KLHL12: variants seen among roughly 807,000 people sequenced by gnomAD.
The protein encoded by KLHL12 is kelch like family member 12, also known as kelch-like protein 12.
KLHL12 carries 17 observed loss-of-function variants against 60.8 expected under a neutral mutation model. The observed-to-expected ratio is 0.28, with a 90% CI of 0.19 to 0.42. The LOEUF is 0.42. Ranked by LOEUF, KLHL12 falls within the 10% of genes least tolerant of loss-of-function variation. The pLI, the probability that KLHL12 is intolerant of heterozygous loss-of-function variation, is 1.00. For synonymous variants in KLHL12, 220 were observed against 250.9 expected (o/e 0.88, Z 1.16); for missense variants, 468 against 722.3 (o/e 0.65, Z 4.04).
chr1:202,901,303 T>C (rs1660000035), intron 6 of KLHL12, among the ~76,000 whole-genome samples: 1 of 152,010 alleles, frequency 6.6e-6, no homozygotes, highest in Non-Finnish European at 1.5e-5. Flanking sequence ...CCTTCCTCTG[T>C]CACCTAGGCT....
At chr1:202,897,086 G>T in intron 6 of KLHL12, 126 bp from the exon 7 acceptor site, 1 of 746,260 alleles carries the variant, frequency 1.3e-6, no homozygotes, top group Non-Finnish European at 2.4e-6. Context: ...GATGCAATCC[G>T]AAATGGGAGA....
chr1:202,896,992 G>A, intron 6 of KLHL12, 32 bp from the exon 7 acceptor site: 1 of 1,533,482 alleles, frequency 6.5e-7, no homozygotes, highest in Non-Finnish European at 9.0e-7. Flanking sequence ...AGATGGGTTA[G>A]TTCAGCATCC....
At chr1:202,907,920 T>A (rs1044198049) in intron 6 of KLHL12, among the ~76,000 whole-genome samples, 20 of 151,678 alleles carry the variant, frequency 1.3e-4, no homozygotes, top group African/African-American at 4.8e-4. Context: ...TTAAAAAAAA[T>A]AAAATATAGC....
intron 6 of KLHL12, among the ~76,000 whole-genome samples, chr1:202,904,798 G>C (rs776749632): frequency 7.2e-5 from 11 of 152,156 alleles, no homozygotes; most frequent in Non-Finnish European, 1.3e-4. Context: ...AGGGTTCAGA[G>C]ACTCACATTT....
Position 202,895,438 on chromosome 1 carries a change from G to A in KLHL12, c.1135+84C>T. 3 of 1,153,142 alleles carry A rather than the reference G, an allele frequency of 2.6e-6. No homozygotes were observed. The highest frequency in any genetic ancestry group is 2.4e-5 in the East Asian group (1 of 42,440). The allele number at this position is 1,153,142 out of a possible 1,614,324, so 71.4% of individuals were successfully genotyped here. On this transcript the variant is annotated intron_variant, in intron 8 of 11. Transcript: ENST00000367261. This position sits in a 1 kb window ranked among gnomAD's most constrained non-coding sequence, Gnocchi z 4.2. ...CCTTAATTTTTTCTCCGTATTTCAT[G>A]CTCCTGCCAGACAACAGGAGAGGTT... is the stretch of plus-strand genomic sequence containing the variant.
intron 4 of KLHL12, among the ~76,000 whole-genome samples, chr1:202,913,926 G>T (rs1571534821): frequency 6.6e-6 from 1 of 152,346 alleles, no homozygotes; most frequent in South Asian, 2.1e-4. Flanking sequence ...CACGGGGCTA[G>T]CGGGAGCAAA....
chr1:202,916,545 G>A (rs979138622), intron 4 of KLHL12, among the ~76,000 whole-genome samples: 4 of 152,192 alleles, frequency 2.6e-5, no homozygotes, highest in Admixed American at 1.3e-4. Flanking sequence ...CTGGGAGGCC[G>A]AGGCAGGAGA....
In KLHL12 at chr1:202,892,433, T is replaced by A. The variant is rs1396085242; in HGVS notation, c.*100A>T. The A allele has an allele frequency of 7.4e-7, 1 of 1,351,208 alleles. No individual in the cohort carries two copies. Among genetic ancestry groups the A allele is most frequent in the Non-Finnish European group, 1.0e-6 (1 of 962,896 alleles). The allele number at this position is 1,351,208 out of a possible 1,614,324, so 83.7% of individuals were successfully genotyped here. A position where few individuals can be genotyped will look rare whatever the true frequency, so the allele number is the denominator to read the frequency against. On this transcript the variant is annotated 3_prime_UTR_variant, in exon 12 of 12. Coordinates refer to ENST00000367261, the MANE Select transcript of KLHL12 (RefSeq NM_021633.4). ...TGCACTGGTGCCTGTAATCACCCGG[T>A]GCACATAGTGAGAAACAGACATTCT...
intron 9 of KLHL12, 37 bp from the exon 10 acceptor site, chr1:202,894,319 T>G (rs1270726585): frequency 7.2e-7 from 1 of 1,379,428 alleles, no homozygotes; most frequent in African/African-American, 1.4e-5. Flanking sequence ...GAGTGGTAAA[T>G]CCTCATGCCC....
At chr1:202,904,699 A>G (rs1660128533) in intron 6 of KLHL12, among the ~76,000 whole-genome samples, 1 of 152,196 alleles carries the variant, frequency 6.6e-6, no homozygotes, top group South Asian at 2.1e-4. Context: ...TGGCATGGTC[A>G]TTATTTTTAG....
At chr1:202,908,909 G>A (rs754274931) in intron 6 of KLHL12, 101 bp downstream of exon 6, 16 of 712,518 alleles carry the variant, frequency 2.2e-5, no homozygotes, top group Admixed American at 1.9e-4. Flanking sequence ...GGTCTGAAAC[G>A]AGGTGTCTGT....
rs74409416 is a variant in KLHL12, at chr1:202,895,635, G to A, written c.1022C>T (p.Ser341Phe). The A allele has an allele frequency of 6.2e-7, 1 of 1,614,082 alleles. No homozygotes were observed. The highest frequency in any genetic ancestry group is 8.5e-7 in the Non-Finnish European group (1 of 1,179,988). Residue 341 changes from serine to phenylalanine, a missense_variant, in exon 8 of 12, where the codon TCC (serine) becomes TTC (phenylalanine). Coordinates refer to ENST00000367261, the MANE Select transcript of KLHL12 (RefSeq NM_021633.4). The surrounding 1 kb of genome is among the most constrained non-coding windows in gnomAD (Gnocchi z 4.2). ...TAGACATTCCACTGAACTAAGGCGG[G>A]AACGGCCATCATAGCCACCAATGAC... ...IYVIGGYDGR[S>F]RLSSVECLDY...
chr1:202,911,902 C>T (rs1660374319), intron 4 of KLHL12: 6 of 836,932 alleles, frequency 7.2e-6, no homozygotes, highest in Admixed American at 5.1e-5. Context: ...TGAAGAAAGC[C>T]TGAGGAGCTA....
Position 202,893,816 on chromosome 1 carries a change from C to T in KLHL12, c.1393+368G>A, listed in dbSNP as rs75050002. On this transcript the variant is annotated intron_variant, in intron 10 of 11. Transcript: ENST00000367261. The surrounding 1 kb of genome is among the most constrained non-coding windows in gnomAD (Gnocchi z 4.1). ...AACTAGAACAGCACAGTGCTCTCTC[C>T]TTTTCTATATCCCAGCCTGCTCCAC... 0.012 allele frequency among the ~76,000 whole-genome samples: 1,892 copies of T among 152,268 alleles called. 37 individuals carry two copies. The highest frequency in any genetic ancestry group is 0.044 in the African/African-American group (1,811 of 41,530).
intron 6 of KLHL12, among the ~76,000 whole-genome samples, chr1:202,901,545 T>C (rs1191135848): frequency 6.6e-6 from 1 of 151,980 alleles, no homozygotes; most frequent in Non-Finnish European, 1.5e-5. Context: ...CAAGCGATGC[T>C]TCTGCTTCGG....
rs747396523 is a variant in KLHL12, at chr1:202,911,130, G to A, written c.641C>T (p.Ser214Phe). The A allele has an allele frequency of 6.2e-7, 1 of 1,614,104 alleles. No individual in the cohort carries two copies. The highest frequency in any genetic ancestry group is 8.5e-7 in the Non-Finnish European group (1 of 1,180,004). ...CACATACTGTAGCAGGTTAGGCAAG[G>A]ATTCTTCCCGCTCTTTCTTGGCATG... is the stretch of plus-strand genomic sequence containing the variant. Reference protein sequence around the residue: ...VKHAKKEREESLPNLLQYVRM... With the variant: ...VKHAKKEREEFLPNLLQYVRM... The change falls in exon 5 of 12, where the codon TCC becomes TTC. Residue 214 changes from serine to phenylalanine, a missense_variant. Around this residue, in one of 4 missense-constraint regions of KLHL12, gnomAD observed 339 missense variants for 525.0 expected, o/e 0.65. Transcript: ENST00000367261.
intron 1 of KLHL12, among the ~76,000 whole-genome samples, chr1:202,925,831 C>T (rs1356367658): frequency 6.6e-6 from 1 of 152,052 alleles, no homozygotes; most frequent in Non-Finnish European, 1.5e-5. Context: ...TCAGGCCGGG[C>T]CCAACAGCTC....
In KLHL12 at chr1:202,893,224, T is replaced by C. The variant is rs768160708; in HGVS notation, c.1580+15A>G. 3 of 1,578,946 alleles carry C rather than the reference T, an allele frequency of 1.9e-6. No homozygotes were observed. The South Asian group carries it at 3.5e-5, about 18-fold the overall frequency. On this transcript the variant is annotated intron_variant, in intron 11 of 11. Coordinates refer to ENST00000367261, the MANE Select transcript of KLHL12 (RefSeq NM_021633.4). The surrounding 1 kb of genome is among the most constrained non-coding windows in gnomAD (Gnocchi z 4.1). ...TGGCTACATATTGAGTCTGGATTCG[T>C]TTCTAAATCCTCACCCTGCAATTGC...
intron 2 of KLHL12, among the ~76,000 whole-genome samples, chr1:202,924,596 C>T (rs1020677437): frequency 6.6e-6 from 1 of 151,638 alleles, no homozygotes; most frequent in African/African-American, 2.4e-5. Context: ...CCTGTCTCTA[C>T]AAATAAATAA....
Sources: gnomAD v4.1 joint callset for allele counts (sites outside exome capture counted in the v4.1 genomes callset) on GRCh38, gnomAD v4.1.1 for gene constraint, gnomAD v4.1.1 regional missense constraint, Gnocchi (gnomAD v3.1) non-coding constraint, MANE v1.5 for transcripts, NCBI Gene and HGNC (gene_info 2026-07-23, HGNC 2026-07-21) for gene names.